C17orf99: variants seen among roughly 807,000 people sequenced by gnomAD.
C17orf99 encodes protein IL-40.
A neutral mutation model predicts 22.6 loss-of-function variants in C17orf99; 18 were observed. That is an observed-to-expected ratio of 0.80 (90% CI 0.55 to 1.18). The LOEUF (loss-of-function observed/expected upper bound fraction) is 1.18, where lower values mean the gene tolerates loss of function less well. C17orf99 is among the 50% of genes most tolerant of loss of function. The pLI is 0.00. For synonymous variants in C17orf99, 147 were observed against 136.6 expected, an observed-to-expected ratio of 1.08 and a Z score of -0.53; for missense variants, 328 against 342.7, an observed-to-expected ratio of 0.96 and a Z score of 0.34.
chr17:78,163,391 T>A (rs2075592560), intron 3 of C17orf99, among the ~76,000 whole-genome samples: 1 of 152,246 alleles, frequency 6.6e-6, no homozygotes, highest in South Asian at 2.1e-4. Context: ...ATCTTCTACA[T>A]GACAGTTTTT....
At chr17:78,154,971 A>C (rs2075513947) in intron 2 of C17orf99, among the ~76,000 whole-genome samples, 1 of 152,130 alleles carries the variant, frequency 6.6e-6, no homozygotes, top group Admixed American at 6.6e-5. Flanking sequence ...TGATTCTAGA[A>C]GGCTGCTGCC....
At chr17:78,160,654 GCCACCT>G in intron 2 of C17orf99, 46 of 405,348 alleles carry the variant, frequency 1.1e-4, no homozygotes, top group South Asian at 3.0e-4. Context: ...TCGGCTCACT[GCCACCT>G]GCCACCTCCG....
chr17:78,151,248 A>G (rs2075480298), intron 2 of C17orf99, among the ~76,000 whole-genome samples: 2 of 151,694 alleles, frequency 1.3e-5, no homozygotes, highest in African/African-American at 4.8e-5. Context: ...AACATGCGGA[A>G]ACCCTGTCTC....
At chr17:78,160,605 CT>C (rs1216586008) in intron 2 of C17orf99, among the ~76,000 whole-genome samples, 2 of 150,920 alleles carry the variant, frequency 1.3e-5, no homozygotes, top group Non-Finnish European at 2.9e-5. Context: ...TTTCCTGAGT[CT>C]CCCTCTGTCG....
At chr17:78,153,918 C>CTTTTTTT (rs532705146) in intron 2 of C17orf99, among the ~76,000 whole-genome samples, 3 of 79,542 alleles carry the variant, frequency 3.8e-5, no homozygotes, top group Non-Finnish European at 6.7e-5. Flanking sequence ...AGTATTCCTT[C>CTTTTTTT]TTTTTTTTTT....
chr17:78,165,001 A>T, intron 4 of C17orf99: 2 of 1,088,268 alleles, frequency 1.8e-6, no homozygotes, highest in South Asian at 4.6e-5. Flanking sequence ...CCTCCAGGAG[A>T]CCAAGGTGGA....
At chr17:78,157,975 T>C in intron 2 of C17orf99, 1 of 1,252,178 alleles carries the variant, frequency 8.0e-7, no homozygotes, top group Non-Finnish European at 1.1e-6. Context: ...TGTCAACTCA[T>C]AACATGGATG....
chr17:78,164,546 C>A (rs1407314129), intron 4 of C17orf99, 182 bp downstream of exon 4: 13 of 1,534,182 alleles, frequency 8.5e-6, no homozygotes, highest in Non-Finnish European at 1.1e-5. Flanking sequence ...CCCAACCCAG[C>A]TGCCTCCGCC....
chr17:78,163,784 C>T (rs1489310633), intron 3 of C17orf99, among the ~76,000 whole-genome samples: 5 of 152,058 alleles, frequency 3.3e-5, no homozygotes, highest in South Asian at 2.1e-4. Context: ...GAGAATTGCT[C>T]GAGCTGGGGA....
rs1351770307 is a variant in C17orf99 at position 78,157,450 on chromosome 17, C to A, written c.71-3505C>A. On this transcript the variant is annotated intron_variant, in intron 2 of 4. Transcript: ENST00000340363. ...ATGGCAGATGATTTGGACTTCGAGA[C>A]AGGAGATGCAGGGCCTCAGCGACCT... 5 of 1,307,752 alleles carry A rather than the reference C, an allele frequency of 3.8e-6. No homozygotes were observed. In the African/African-American group the frequency reaches 7.5e-5, roughly 20 times the overall value. 81.0% of individuals were successfully genotyped at this position (1,307,752 alleles called of 1,614,324 possible). A position where few individuals can be genotyped will look rare whatever the true frequency, so the allele number is the denominator to read the frequency against.
At chr17:78,147,870 G>A (rs147492135) in intron 2 of C17orf99, among the ~76,000 whole-genome samples, 103 of 152,282 alleles carry the variant, frequency 6.8e-4, no homozygotes, top group African/African-American at 2.1e-3. Flanking sequence ...GGGCAGTTCC[G>A]CCTCCCCCTC....
intron 3 of C17orf99, among the ~76,000 whole-genome samples, chr17:78,162,928 G>GAT: frequency 6.6e-6 from 1 of 152,130 alleles, no homozygotes; most frequent in Non-Finnish European, 1.5e-5. Context: ...TGGGACTACA[G>GAT]GCCCTTGCCC....
chr17:78,154,631 T>C (rs749302862), intron 2 of C17orf99, among the ~76,000 whole-genome samples: 3 of 151,696 alleles, frequency 2.0e-5, no homozygotes, highest in Non-Finnish European at 4.4e-5. Context: ...TCACCTGAGG[T>C]TGGGCGTTTG....
Position 78,162,495 on chromosome 17 carries a change from C to T in C17orf99, c.370+1241C>T, listed in dbSNP as rs1027283292. On this transcript the variant is annotated intron_variant, in intron 3 of 4. Transcript: ENST00000340363. ...GGAATCGCCCCATTCATCCTTTGGC[C>T]CGCACCCTAAGAACACCAGGAAAAG... Among the ~76,000 whole-genome samples, 46 of 151,858 alleles carry T rather than the reference C, an allele frequency of 3.0e-4. 1 individual carries two copies. The highest frequency in any genetic ancestry group is 8.2e-4 in the African/African-American group (34 of 41,310).
At chr17:78,153,342 G>A (rs1253548087) in intron 2 of C17orf99, among the ~76,000 whole-genome samples, 2 of 151,914 alleles carry the variant, frequency 1.3e-5, no homozygotes, top group East Asian at 1.9e-4. Context: ...AAAATTAGCC[G>A]GGCGTGGTGG....
At chr17:78,155,396 C>G (rs1219580435) in intron 2 of C17orf99, among the ~76,000 whole-genome samples, 1 of 152,090 alleles carries the variant, frequency 6.6e-6, no homozygotes, top group Non-Finnish European at 1.5e-5. Context: ...TTCATGACGT[C>G]GATGATATTC....
At chr17:78,160,266 G>A (rs1598950326) in intron 2 of C17orf99, among the ~76,000 whole-genome samples, 1 of 152,106 alleles carries the variant, frequency 6.6e-6, no homozygotes, top group Non-Finnish European at 1.5e-5. Flanking sequence ...AGCCGGGCGC[G>A]GTGGCTCACG....
rs2145808458 is a variant in C17orf99 at position 78,166,019 on chromosome 17, C to G, written c.771C>G (p.Val257=). ...FGGFRIGNGE[V]RGRKAAAM The stretch of plus-strand genomic sequence containing the variant: ...GGTTCAGGATAGGGAATGGGGAGGT[C>G]AGAGGACGCAAAGCAGCAGCCATGT... Residue 257 remains valine (V), a synonymous_variant, in exon 5 of 5, where the codon GTC becomes GTG. Transcript: ENST00000340363. The G allele has an allele frequency of 7.0e-7, 1 of 1,428,480 alleles. No homozygotes were observed. Among genetic ancestry groups the G allele is most frequent in the East Asian group, 2.6e-5 (1 of 38,652 alleles). The allele number at this position is 1,428,480 out of a possible 1,614,324, so 88.5% of individuals were successfully genotyped here.
intron 2 of C17orf99, among the ~76,000 whole-genome samples, chr17:78,151,851 G>T (rs1252491543): frequency 6.6e-6 from 1 of 152,172 alleles, no homozygotes; most frequent in Non-Finnish European, 1.5e-5. Flanking sequence ...TTCAAAGTCA[G>T]ATCTCAGAGC....
Sources: gnomAD v4.1 joint callset for allele counts (sites outside exome capture counted in the v4.1 genomes callset) on GRCh38, gnomAD v4.1.1 for gene constraint, MANE v1.5 for transcripts, NCBI Gene and HGNC (gene_info 2026-07-23, HGNC 2026-07-21) for gene names.